PLCE1: variants seen among roughly 807,000 people sequenced by gnomAD.
PLCE1 encodes phospholipase C epsilon 1, also known as 1-phosphatidylinositol 4,5-bisphosphate phosphodiesterase epsilon-1.
In PLCE1, 119 loss-of-function variants were observed where a neutral mutation model predicts 242.8. That is an observed-to-expected ratio of 0.49 (90% confidence interval 0.42 to 0.57). The LOEUF is 0.57. Among genes scored for constraint, PLCE1 ranks in the 20% least tolerant of loss-of-function variants. The pLI is 0.00. For missense variants in PLCE1, 2,441 were observed against 2,788.8 expected, an observed-to-expected ratio of 0.88 and a Z score of 2.81; for synonymous variants, 945 against 1,017.4, an observed-to-expected ratio of 0.93 and a Z score of 1.35.
chr10:94,010,667 A>C (rs1010307791), intron 1 of PLCE1, among the ~76,000 whole-genome samples: 2 of 152,206 alleles, frequency 1.3e-5, no homozygotes, highest in Admixed American at 6.5e-5. Context: ...TTTGCTGCTT[A>C]AAAAATTTCT....
chr10:94,291,521 C>T (rs1269957780), intron 22 of PLCE1, among the ~76,000 whole-genome samples: 1 of 152,212 alleles, frequency 6.6e-6, no homozygotes, highest in Non-Finnish European at 1.5e-5. Context: ...TCTGTCTCTC[C>T]ATGACCTTGA....
chr10:94,273,881 C>A (rs1025252960), intron 19 of PLCE1, among the ~76,000 whole-genome samples, 161 bp downstream of exon 19: 3 of 152,180 alleles, frequency 2.0e-5, no homozygotes, highest in Non-Finnish European at 4.4e-5. Context: ...TTCCATAGAC[C>A]AATAAATTCT....
intron 2 of PLCE1, among the ~76,000 whole-genome samples, chr10:94,069,084 C>A (rs958981351): frequency 6.6e-6 from 1 of 152,242 alleles, no homozygotes; most frequent in Non-Finnish European, 1.5e-5. Flanking sequence ...GAGAAGGCTG[C>A]AACTCAGAGA....
At chr10:94,060,428 G>T (rs2044016093) in intron 2 of PLCE1, among the ~76,000 whole-genome samples, 1 of 152,158 alleles carries the variant, frequency 6.6e-6, no homozygotes. Flanking sequence ...AAAGAATAAA[G>T]GTATGAAAAA....
At chr10:94,299,272 G>A (rs763955680) in intron 24 of PLCE1, among the ~76,000 whole-genome samples, 8 of 152,142 alleles carry the variant, frequency 5.3e-5, no homozygotes, top group Admixed American at 2.0e-4. Context: ...TTTATTGCAC[G>A]CTTACTGTGC....
intron 8 of PLCE1, among the ~76,000 whole-genome samples, chr10:94,251,470 C>A (rs1237811790): frequency 1.3e-5 from 2 of 152,188 alleles, no homozygotes; most frequent in African/African-American, 4.8e-5. Flanking sequence ...GAAGAGTAAA[C>A]ACAGTACATG....
chr10:94,165,877 T>C lies in PLCE1; in HGVS notation c.1493-5303T>C, dbSNP rs1485964771. 2.0e-5 allele frequency among the ~76,000 whole-genome samples: 3 copies of C among 152,092 alleles called. No homozygotes were observed. In the East Asian group the frequency reaches 5.8e-4, roughly 29 times the overall value. On this transcript the variant is annotated intron_variant, in intron 3 of 32. Coordinates refer to ENST00000371380, the MANE Select transcript of PLCE1 (RefSeq NM_016341.4). The stretch of plus-strand genomic sequence containing the variant: ...TGCCCACCACCCACCTGGCTACTTT[T>C]TGTATTTTTAGTAGAGACGGGATTT...
At chr10:94,322,747 T>C (rs1369212342) in intron 30 of PLCE1, among the ~76,000 whole-genome samples, 1 of 151,252 alleles carries the variant, frequency 6.6e-6, no homozygotes, top group Non-Finnish European at 1.5e-5. Context: ...ATCATGCCAT[T>C]GCGCGTCAGC....
intron 1 of PLCE1, among the ~76,000 whole-genome samples, chr10:94,008,469 C>T (rs549417103): frequency 1.8e-3 from 272 of 152,122 alleles, no homozygotes; most frequent in African/African-American, 6.3e-3. Context: ...CTACCACACC[C>T]GGCTAATTTT....
intron 7 of PLCE1, among the ~76,000 whole-genome samples, chr10:94,245,099 A>C (rs192072589): frequency 6.1e-4 from 93 of 152,360 alleles, no homozygotes; most frequent in Non-Finnish European, 2.4e-4. Context: ...TATTCAGATC[A>C]TGACTTGTGT....
At chr10:94,116,729 G>T (rs1484616547) in intron 2 of PLCE1, among the ~76,000 whole-genome samples, 2 of 152,012 alleles carry the variant, frequency 1.3e-5, no homozygotes, top group African/African-American at 4.8e-5. Context: ...TATTTGCAGG[G>T]TAAAACATAA....
intron 6 of PLCE1, chr10:94,235,713 G>T (rs939851560): frequency 1.0e-6 from 1 of 983,178 alleles, no homozygotes; most frequent in Non-Finnish European, 1.2e-6. Context: ...AGGGATTAAA[G>T]TTGTCTCAGT....
intron 3 of PLCE1, among the ~76,000 whole-genome samples, chr10:94,159,162 C>A (rs1242261321): frequency 1.3e-5 from 2 of 151,970 alleles, no homozygotes; most frequent in Non-Finnish European, 2.9e-5. Context: ...AACACTCAGT[C>A]TGAATATATT....
At position 94,031,946 on chromosome 10, in the gene PLCE1, T is replaced by G; in HGVS notation, c.900T>G (p.Phe300Leu). ...SQAAKTFLSH[F>L]EDFPDNCDDV... ...CTGCCAAGACCTTTTTGAGCCATTT[T>G]GAGGACTTCCCTGATAATTGTGATG... The change falls in exon 2 of 33, where the codon TTT becomes TTG. Residue 300 changes from phenylalanine (F) to leucine (L), a missense_variant. Phe to Leu is a conservative substitution (Grantham distance 22). Coordinates refer to ENST00000371380, the MANE Select transcript of PLCE1 (RefSeq NM_016341.4). 1.2e-6 allele frequency: 2 copies of G among 1,613,900 alleles called. No individual in the cohort carries two copies. Among genetic ancestry groups the G allele is most frequent in the Non-Finnish European group, 1.7e-6 (2 of 1,179,840 alleles).
At position 94,262,655 on chromosome 10, in the gene PLCE1, A is replaced by G. The variant is rs2051343281; in HGVS notation, c.3976A>G (p.Ile1326Val). The G allele has an allele frequency of 1.2e-6, 2 of 1,614,104 alleles. No homozygotes were observed. Among genetic ancestry groups the G allele is most frequent in the Non-Finnish European group, 1.7e-6 (2 of 1,179,990 alleles). ...STSLGIFGVG[I>V]LQLNDFLVNC... ...ATCTCTGGGCATTTTTGGGGTGGGC[A>G]TACTTCAGCTCAACGATTTCCTCGT... is the stretch of plus-strand genomic sequence containing the variant. Residue 1326 changes from isoleucine (I) to valine (V), a missense_variant, in exon 14 of 33, where the codon ATA (isoleucine) becomes GTA (valine). Ile to Val is a conservative substitution (Grantham distance 29). Around this residue, in one of 5 missense-constraint regions of PLCE1, gnomAD observed 1,004 missense variants for 1,322.7 expected, o/e 0.76. Transcript: ENST00000371380.
chr10:94,092,588 A>G (rs1312021844), intron 2 of PLCE1, among the ~76,000 whole-genome samples: 2 of 152,084 alleles, frequency 1.3e-5, no homozygotes, highest in African/African-American at 2.4e-5. Flanking sequence ...GGAGCATTCT[A>G]TAAGAAACTG....
chr10:94,050,247 A>G (rs1045175418), intron 2 of PLCE1, among the ~76,000 whole-genome samples: 2 of 152,154 alleles, frequency 1.3e-5, no homozygotes, highest in Non-Finnish European at 2.9e-5. Flanking sequence ...AGGGCTTAGG[A>G]AACTTACAAT....
intron 29 of PLCE1, among the ~76,000 whole-genome samples, chr10:94,321,642 A>AC (rs1204289706): frequency 2.6e-5 from 4 of 151,896 alleles, no homozygotes; most frequent in Non-Finnish European, 4.4e-5. Flanking sequence ...AAAAAAAAAA[A>AC]AAAACCCACA....
At chr10:94,096,581 C>T (rs1458549500) in intron 2 of PLCE1, 1 of 152,120 alleles carries the variant, frequency 6.6e-6, no homozygotes, top group Non-Finnish European at 1.5e-5. Flanking sequence ...CAATTACCTC[C>T]CACCAGGTCC....
Sources: allele counts gnomAD v4.1 joint callset (sites outside exome capture counted in the v4.1 genomes callset), GRCh38; gene constraint gnomAD v4.1.1; regional missense constraint gnomAD v4.1.1; transcripts MANE v1.5; gene names NCBI Gene and HGNC (gene_info 2026-07-23, HGNC 2026-07-21).